Variants in N4BP2 observed in about 807,000 individuals in gnomAD.
N4BP2 encodes NEDD4 binding protein 2.
A neutral mutation model predicts 152.8 loss-of-function variants in N4BP2; 91 were observed. The ratio of observed to expected loss-of-function variants is 0.60; its 90% confidence interval spans 0.50 to 0.71. N4BP2 has a LOEUF of 0.71. N4BP2 is among the 30% of genes least tolerant of loss of function. The probability of loss-of-function intolerance (pLI) is 0.00; values close to 1 mark genes in which losing one functional copy is unlikely to be tolerated. For missense variants in N4BP2, 1,923 were observed against 2,059.1 expected (o/e 0.93, Z 1.28); for synonymous variants, 646 against 705.3 (o/e 0.92, Z 1.33).
chr4:40,137,097 A>AT lies in N4BP2; in HGVS notation c.4785+23dup. On this transcript the variant is annotated intron_variant, in intron 14 of 17. Coordinates refer to ENST00000261435, the MANE Select transcript of N4BP2 (RefSeq NM_018177.6). ...AAGAGAAAAAGGTATGGAGTTACTA[A>AT]TTTTTTTTCTACAAGGGTAGATAAT... 1.3e-5 allele frequency: 20 copies of AT among 1,587,552 alleles called. No individual in the cohort carries two copies. The highest frequency in any genetic ancestry group is 3.5e-5 in the South Asian group (3 of 86,100).
the N4BP2 span, among the ~76,000 whole-genome samples, chr4:40,178,737 A>C: frequency 6.6e-6 from 1 of 152,224 alleles, no homozygotes; most frequent in Non-Finnish European, 1.5e-5. Context: ...AGACATGCGA[A>C]ATGTGTAGGG....
the N4BP2 span, among the ~76,000 whole-genome samples, chr4:40,184,677 T>C: frequency 6.6e-6 from 1 of 152,104 alleles, no homozygotes; most frequent in Non-Finnish European, 1.5e-5. Context: ...AGATTTGGGC[T>C]GGGCATGGTG....
At chr4:40,160,149 A>G (rs1379658478), downstream of N4BP2, among the ~76,000 whole-genome samples, 2 of 152,218 alleles carry the variant, frequency 1.3e-5, no homozygotes, top group Admixed American at 6.5e-5. Flanking sequence ...GGATTGCTGT[A>G]TATGATCCTG....
At chr4:40,183,174 C>T in the N4BP2 span, among the ~76,000 whole-genome samples, 1 of 152,056 alleles carries the variant, frequency 6.6e-6, no homozygotes, top group Non-Finnish European at 1.5e-5. Context: ...TTGCACGTAA[C>T]CTTGTATCAT....
In N4BP2 at chr4:40,153,321, G is replaced by A. The variant is rs184523436; in HGVS notation, c.5267+418G>A. Among the ~76,000 whole-genome samples the A allele has an allele frequency of 5.3e-5, 8 of 152,258 alleles. 1 individual carries two copies. The East Asian group carries it at 1.5e-3, about 29-fold the overall frequency. On this transcript the variant is annotated intron_variant, in intron 17 of 17. Transcript: ENST00000261435. ...AGATTTGCTATTATTCTTTTGAAAG[G>A]AAATCAGTATTTGTGGATTTTGGAT...
Position 40,121,702 on chromosome 4 carries a change from A to G in N4BP2, c.3591A>G (p.Glu1197=). 1 of 1,614,142 alleles carries G rather than the reference A, an allele frequency of 6.2e-7. No individual in the cohort carries two copies. Among genetic ancestry groups the G allele is most frequent in the Non-Finnish European group, 8.5e-7 (1 of 1,180,012 alleles). Residue 1197 remains glutamate, a synonymous_variant, in exon 9 of 18, where the codon GAA becomes GAG. Transcript: ENST00000261435. The part of the protein sequence containing the change: ...NADSQSTCDA[E]RGNSEQAEMR... ...ACTCACAGTCTACTTGTGATGCAGAAAGAGGAAACTCAGAGCAGGCGGAAA... is the reference window on the plus strand; with the variant it reads ...ACTCACAGTCTACTTGTGATGCAGAGAGAGGAAACTCAGAGCAGGCGGAAA...
intron 16 of N4BP2, among the ~76,000 whole-genome samples, chr4:40,149,003 AT>A (rs1720886443): frequency 6.6e-6 from 1 of 152,254 alleles, no homozygotes; most frequent in African/African-American, 2.4e-5. Context: ...ATGTGGATAA[AT>A]TGGAGCCCTC....
In N4BP2 at chr4:40,154,145, A is replaced by C. The variant is rs765578454; in HGVS notation, c.5268-47A>C. 3.8e-6 allele frequency: 5 copies of C among 1,324,956 alleles called. No individual in the cohort carries two copies. In the South Asian group the frequency reaches 6.1e-5, roughly 16 times the overall value. 82.1% of individuals were successfully genotyped at this position (1,324,956 alleles called of 1,614,324 possible). ...TGATTACAAGGTATATTCCTTAGCT[A>C]ATTTGAAATTTTCATCTTTAAAATA... On this transcript the variant is annotated intron_variant, in intron 17 of 17. Coordinates refer to ENST00000261435, the MANE Select transcript of N4BP2 (RefSeq NM_018177.6).
intron 2 of N4BP2, among the ~76,000 whole-genome samples, chr4:40,091,269 A>G (rs1714513882): frequency 6.6e-6 from 1 of 151,504 alleles, no homozygotes; most frequent in Non-Finnish European, 1.5e-5. Flanking sequence ...TTTTTCTCTT[A>G]TTTCATGAGC....
At position 40,148,508 on chromosome 4, in the gene N4BP2, CT is replaced by C. The variant is rs1720837812; in HGVS notation, c.5143+3714del. 2.0e-5 allele frequency among the ~76,000 whole-genome samples: 3 copies of C among 151,888 alleles called. No individual in the cohort carries two copies. In the South Asian group the frequency reaches 6.2e-4, roughly 32 times the overall value. On this transcript the variant is annotated intron_variant, in intron 16 of 17. Coordinates refer to ENST00000261435, the MANE Select transcript of N4BP2 (RefSeq NM_018177.6). ...AGGGGGAGGGGGAGAGGGAGTTCGG[CT>C]TTTTTAGGTTCCACATGTAAGTGAG...
chr4:40,088,356 C>T, intron 2 of N4BP2, among the ~76,000 whole-genome samples: 1 of 152,092 alleles, frequency 6.6e-6, no homozygotes, highest in East Asian at 1.9e-4. Context: ...TAAGAAACTG[C>T]AGAATATTTT....
At position 40,092,167 on chromosome 4, in the gene N4BP2, TC is replaced by T. The variant is rs1413568408; in HGVS notation, c.-114-5059del. 2.3e-4 allele frequency among the ~76,000 whole-genome samples: 34 copies of T among 149,582 alleles called. 1 individual carries two copies. Among genetic ancestry groups the T allele is most frequent in the Admixed American group, 1.5e-3 (22 of 14,940 alleles). ...TTTTGGTATCAGGATAATACTAGCA[TC>T]ATAAAATGGATTGGAAGTGCTTTCT... On this transcript the variant is annotated intron_variant, in intron 2 of 17. Coordinates refer to ENST00000261435, the MANE Select transcript of N4BP2 (RefSeq NM_018177.6).
At chr4:40,109,867 AGTT>A (rs1361841023) in intron 5 of N4BP2, among the ~76,000 whole-genome samples, 3 of 152,218 alleles carry the variant, frequency 2.0e-5, no homozygotes, top group African/African-American at 7.2e-5. Flanking sequence ...ATAATTCAGT[AGTT>A]TTTAGAACTT....
chr4:40,175,468 T>G, the N4BP2 span, among the ~76,000 whole-genome samples: 1 of 151,558 alleles, frequency 6.6e-6, no homozygotes, highest in Non-Finnish European at 1.5e-5. Context: ...GATGAACCAG[T>G]CTGGAGATCT....
At chr4:40,114,953 T>G (rs1717215267) in intron 7 of N4BP2, among the ~76,000 whole-genome samples, 1 of 151,812 alleles carries the variant, frequency 6.6e-6, no homozygotes. Flanking sequence ...AATCTTAGTA[T>G]GTTTATATTA....
At chr4:40,141,439 A>C (rs1364053022) in intron 14 of N4BP2, among the ~76,000 whole-genome samples, 6 of 122,648 alleles carry the variant, frequency 4.9e-5, no homozygotes, top group South Asian at 2.7e-4. Context: ...CGCTCCTCAC[A>C]TCCCAGACGG....
chr4:40,131,811 C>T lies in N4BP2; in HGVS notation c.4538C>T (p.Thr1513Ile), dbSNP rs1417580320. The T allele has an allele frequency of 1.2e-6, 2 of 1,611,522 alleles. No homozygotes were observed. The change falls in exon 13 of 18, where the codon ACC (threonine) becomes ATC (isoleucine). Residue 1513 changes from threonine to isoleucine, a missense_variant. Thr to Ile is a moderately conservative substitution (Grantham distance 89, BLOSUM62 -1). Coordinates refer to ENST00000261435, the MANE Select transcript of N4BP2 (RefSeq NM_018177.6). Reference sequence around the variant, plus strand: ...ATGTTTTTGTTTTAGAAAAGGGAGACCCTTATGTTTGAAAAAGATTGTGCC... The same window carrying T: ...ATGTTTTTGTTTTAGAAAAGGGAGATCCTTATGTTTGAAAAAGATTGTGCC... The part of the protein sequence containing the change: ...LQEKHNLKRE[T>I]LMFEKDCATK...
the N4BP2 span, among the ~76,000 whole-genome samples, chr4:40,186,894 C>T: frequency 3.3e-5 from 5 of 152,162 alleles, no homozygotes; most frequent in African/African-American, 1.2e-4. Context: ...ATCTGGATGA[C>T]ATATTTTGTT....
chr4:40,116,694 A>G (rs1357468030), intron 7 of N4BP2, among the ~76,000 whole-genome samples: 1 of 152,034 alleles, frequency 6.6e-6, no homozygotes, highest in East Asian at 1.9e-4. Context: ...CTTGCATCAT[A>G]TACCTTTCAT....
Sources: allele counts gnomAD v4.1 joint callset (sites outside exome capture counted in the v4.1 genomes callset), GRCh38; gene constraint gnomAD v4.1.1; transcripts MANE v1.5; gene names NCBI Gene and HGNC (gene_info 2026-07-23, HGNC 2026-07-21).